Variants in KLF12 observed in about 807,000 individuals in gnomAD.
KLF12 encodes the protein KLF transcription factor 12, also known as Krueppel-like factor 12.
Under a neutral mutation model 37.8 loss-of-function variants are expected in KLF12, and 9 were observed. That is an observed-to-expected ratio of 0.24 (90% CI 0.14 to 0.42). KLF12 has a LOEUF of 0.42. KLF12 is among the 10% of genes least tolerant of loss of function. The pLI, the probability that KLF12 is intolerant of heterozygous loss-of-function variation, is 1.00. For missense variants in KLF12, 411 were observed against 516.0 expected (o/e 0.80, Z 1.97); for synonymous variants, 208 against 202.1 (o/e 1.03, Z -0.25).
intron 1 of KLF12, among the ~76,000 whole-genome samples, chr13:74,095,887 G>A (rs982729318): frequency 2.0e-5 from 3 of 152,106 alleles, no homozygotes; most frequent in Non-Finnish European, 2.9e-5. Flanking sequence ...TGTCTTCACT[G>A]AGGTATTTCA....
intron 6 of KLF12, among the ~76,000 whole-genome samples, chr13:73,749,185 T>G (rs995055557): frequency 2.0e-5 from 3 of 152,154 alleles, no homozygotes; most frequent in African/African-American, 7.2e-5. Flanking sequence ...TATACCAACA[T>G]GGATTGACAC....
chr13:73,829,936 A>G (rs563973951), intron 4 of KLF12, among the ~76,000 whole-genome samples: 25 of 152,232 alleles, frequency 1.6e-4, no homozygotes, highest in Non-Finnish European at 2.5e-4. Context: ...TCCTCTGTTT[A>G]TATCAGATCA....
At chr13:74,053,748 T>A (rs563040659) in intron 1 of KLF12, among the ~76,000 whole-genome samples, 1 of 152,198 alleles carries the variant, frequency 6.6e-6, no homozygotes. Flanking sequence ...GCATGAATAT[T>A]CTTGGACTAG....
chr13:74,259,715 G>A, the KLF12 span: 1 of 151,934 alleles, frequency 6.6e-6, no homozygotes, highest in Non-Finnish European at 1.5e-5. Flanking sequence ...AATCTTTTTA[G>A]TGTAAACATC....
intron 5 of KLF12, among the ~76,000 whole-genome samples, chr13:73,811,705 C>T (rs758693816): frequency 1.5e-4 from 23 of 152,126 alleles, no homozygotes; most frequent in Non-Finnish European, 3.1e-4. Flanking sequence ...AGAAGTCACA[C>T]GGCTATTAAG....
At chr13:73,883,854 T>C (rs1887095143) in intron 3 of KLF12, among the ~76,000 whole-genome samples, 1 of 152,222 alleles carries the variant, frequency 6.6e-6, no homozygotes, top group Non-Finnish European at 1.5e-5. Context: ...TATGACATTG[T>C]GTGAGATAAA....
At chr13:74,160,788 T>C in the KLF12 span, among the ~76,000 whole-genome samples, 1 of 152,190 alleles carries the variant, frequency 6.6e-6, no homozygotes, top group Non-Finnish European at 1.5e-5. Flanking sequence ...TGACCCAGAG[T>C]ACTTCAATTT....
intron 1 of KLF12, among the ~76,000 whole-genome samples, chr13:74,011,762 T>C (rs1219693742): frequency 6.6e-6 from 1 of 152,218 alleles, no homozygotes; most frequent in Non-Finnish European, 1.5e-5. Flanking sequence ...CCATTTTATA[T>C]CAGGGATTTG....
chr13:74,244,436 G>T, the KLF12 span, among the ~76,000 whole-genome samples: 1 of 152,102 alleles, frequency 6.6e-6, no homozygotes, highest in Non-Finnish European at 1.5e-5. Context: ...TTTCAAGCAG[G>T]TCCACCAAGC....
At chr13:74,158,536 C>T in the KLF12 span, among the ~76,000 whole-genome samples, 46 of 152,048 alleles carry the variant, frequency 3.0e-4, no homozygotes, top group East Asian at 8.7e-3. Flanking sequence ...AGCAGTTGGC[C>T]GGCTTCTTGA....
At chr13:73,851,527 T>C (rs963232327) in intron 3 of KLF12, among the ~76,000 whole-genome samples, 1 of 152,230 alleles carries the variant, frequency 6.6e-6, no homozygotes, top group African/African-American at 2.4e-5. Context: ...CCTGATTTCT[T>C]AATTCCACAG....
chr13:73,862,327 AT>A (rs983130311), intron 3 of KLF12, among the ~76,000 whole-genome samples: 22 of 152,324 alleles, frequency 1.4e-4, no homozygotes, highest in African/African-American at 5.1e-4. Context: ...ACATCTCAAT[AT>A]AAAAAACTAT....
At chr13:73,875,833 AC>A (rs1886679669) in intron 3 of KLF12, among the ~76,000 whole-genome samples, 1 of 152,158 alleles carries the variant, frequency 6.6e-6, no homozygotes, top group Admixed American at 6.6e-5. Flanking sequence ...AACTATCTTC[AC>A]CCAATTGTTT....
chr13:73,729,696 C>T (rs1876919158), intron 6 of KLF12, among the ~76,000 whole-genome samples: 1 of 152,094 alleles, frequency 6.6e-6, no homozygotes, highest in Admixed American at 6.5e-5. Flanking sequence ...TGGCTTTTTC[C>T]TGCTGAGAAA....
chr13:74,302,691 G>T, the KLF12 span, among the ~76,000 whole-genome samples: 1 of 152,098 alleles, frequency 6.6e-6, no homozygotes, highest in African/African-American at 2.4e-5. Flanking sequence ...TTCCGCTCAA[G>T]GGACAAAATT....
intron 1 of KLF12, among the ~76,000 whole-genome samples, chr13:74,020,333 C>T (rs1005153346): frequency 4.6e-5 from 7 of 152,256 alleles, no homozygotes; most frequent in Middle Eastern, 3.4e-3. Context: ...AGAAAGAAAA[C>T]GGGTACCCTA....
At chr13:74,198,427 T>G in the KLF12 span, among the ~76,000 whole-genome samples, 1 of 152,192 alleles carries the variant, frequency 6.6e-6, no homozygotes, top group Admixed American at 6.5e-5. Flanking sequence ...ATGTGGCACC[T>G]TGTAGACCGG....
the KLF12 span, among the ~76,000 whole-genome samples, chr13:74,248,535 C>T: frequency 3.3e-5 from 5 of 152,118 alleles, no homozygotes; most frequent in South Asian, 2.1e-4. Flanking sequence ...AATGCTTAAT[C>T]GTATGTGTAT....
At chr13:73,974,991 T>A (rs1008149220) in intron 2 of KLF12, among the ~76,000 whole-genome samples, 4 of 152,346 alleles carry the variant, frequency 2.6e-5, no homozygotes, top group Non-Finnish European at 1.5e-5. Context: ...TAATCCTCAA[T>A]AAATCAGTAA....
Sources: allele counts gnomAD v4.1 joint callset (sites outside exome capture counted in the v4.1 genomes callset), GRCh38; gene constraint gnomAD v4.1.1; transcripts MANE v1.5; gene names NCBI Gene and HGNC (gene_info 2026-07-23, HGNC 2026-07-21).